PACRG: variants seen among roughly 807,000 people sequenced by gnomAD.
The protein encoded by PACRG is parkin coregulated gene protein.
PACRG carries 29 observed loss-of-function variants against 29.7 expected under a neutral mutation model. That is an observed-to-expected ratio of 0.98 (90% CI 0.73 to 1.33). PACRG has a LOEUF of 1.33. PACRG is among the 40% of genes most tolerant of loss of function. The pLI, the probability that PACRG is intolerant of heterozygous loss-of-function variation, is 0.00. For missense variants in PACRG, 279 were observed against 316.2 expected, an observed-to-expected ratio of 0.88 and a Z score of 0.89; for synonymous variants, 116 against 118.7, an observed-to-expected ratio of 0.98 and a Z score of 0.15.
In PACRG at chr6:163,132,217, A is replaced by C. The variant is rs147242603; in HGVS notation, c.613+42809A>C. Among the ~76,000 whole-genome samples, 1,164 of 152,356 alleles carry C rather than the reference A, an allele frequency of 7.6e-3. 6 individuals are homozygous for C. The highest frequency in any genetic ancestry group is 0.012 in the Non-Finnish European group (787 of 68,030). ...TTGGCTGGTTTTATTTATGCCACTTACTAGAAATCTAATAAATACATATTT... is the reference window on the plus strand; with the variant it reads ...TTGGCTGGTTTTATTTATGCCACTTCCTAGAAATCTAATAAATACATATTT... On this transcript the variant is annotated intron_variant, in intron 4 of 4. Transcript: ENST00000366888.
intron 3 of PACRG, among the ~76,000 whole-genome samples, chr6:163,081,238 A>G (rs1813045899): frequency 6.6e-6 from 1 of 152,224 alleles, no homozygotes. Flanking sequence ...AACATAAAAT[A>G]TTTATTAAAC....
chr6:162,858,377 G>GC (rs1213155637), intron 2 of PACRG, among the ~76,000 whole-genome samples: 4 of 152,132 alleles, frequency 2.6e-5, no homozygotes, highest in African/African-American at 9.6e-5. Context: ...TGGGGGAGCT[G>GC]CCCCCATGAT....
intron 2 of PACRG, among the ~76,000 whole-genome samples, chr6:163,043,855 A>G (rs1461364862): frequency 6.6e-6 from 1 of 152,152 alleles, no homozygotes; most frequent in African/African-American, 2.4e-5. Flanking sequence ...TCTGTTTGAG[A>G]TGCAGTTTAT....
chr6:163,089,821 A>G (rs933167332), intron 4 of PACRG, among the ~76,000 whole-genome samples: 1 of 152,186 alleles, frequency 6.6e-6, no homozygotes, highest in Non-Finnish European at 1.5e-5. Context: ...TTTAAGCACT[A>G]TTATTAAAAT....
rs184474310 is a variant in PACRG at position 162,772,783 on chromosome 6, C to G, written c.157-41364C>G. On this transcript the variant is annotated intron_variant, in intron 1 of 4. Transcript: ENST00000366888. ...AGGAAAGGAACCAGGGGTATAAATT[C>G]CAAAAGAGGTGGCAGGAATAGAGGA... Among the ~76,000 whole-genome samples, 515 of 152,036 alleles carry G rather than the reference C, an allele frequency of 3.4e-3. 1 individual carries two copies. Among genetic ancestry groups the G allele is most frequent in the African/African-American group, 0.012 (489 of 41,458 alleles).
chr6:162,838,076 C>A (rs1443805068), intron 2 of PACRG, among the ~76,000 whole-genome samples: 2 of 152,264 alleles, frequency 1.3e-5, no homozygotes, highest in South Asian at 2.1e-4. Context: ...AATGTTTTGG[C>A]AGATTTTCTT....
chr6:163,073,615 C>T (rs962053104), intron 3 of PACRG, among the ~76,000 whole-genome samples: 11 of 152,204 alleles, frequency 7.2e-5, no homozygotes, highest in African/African-American at 2.2e-4. Flanking sequence ...TTTTGCATAG[C>T]AAAGGAAACA....
At chr6:163,005,902 C>T (rs966954273) in intron 2 of PACRG, among the ~76,000 whole-genome samples, 25 of 144,600 alleles carry the variant, frequency 1.7e-4, no homozygotes, top group African/African-American at 4.3e-4. Flanking sequence ...CGTAGTTATA[C>T]GTGTTATATA....
chr6:162,866,200 G>C (rs1437686905), intron 2 of PACRG, among the ~76,000 whole-genome samples: 1 of 152,090 alleles, frequency 6.6e-6, no homozygotes, highest in Non-Finnish European at 1.5e-5. Flanking sequence ...CATGAGTGAG[G>C]GATGAAAAAT....
chr6:162,947,005 C>T (rs1391255025), intron 2 of PACRG, among the ~76,000 whole-genome samples: 1 of 151,734 alleles, frequency 6.6e-6, no homozygotes, highest in Non-Finnish European at 1.5e-5. Context: ...ATATGACAAA[C>T]ACACAGCTAA....
intron 4 of PACRG, chr6:163,101,556 A>G: frequency 2.7e-6 from 1 of 364,896 alleles, no homozygotes; most frequent in Non-Finnish European, 3.8e-6. Context: ...TGATATTCAA[A>G]GAGAATCAGT....
intron 4 of PACRG, among the ~76,000 whole-genome samples, chr6:163,305,855 C>CT (rs1562369982): frequency 6.6e-6 from 1 of 152,132 alleles, no homozygotes; most frequent in East Asian, 1.9e-4. Flanking sequence ...CTCCCCATCA[C>CT]TTACTCACCT....
chr6:163,238,600 C>A (rs1782338541), intron 4 of PACRG, among the ~76,000 whole-genome samples: 1 of 152,198 alleles, frequency 6.6e-6, no homozygotes, highest in Admixed American at 6.5e-5. Context: ...CGTTTCATCC[C>A]ACTGCCCCAC....
At chr6:163,162,925 C>T (rs1386988197) in intron 4 of PACRG, among the ~76,000 whole-genome samples, 1 of 152,156 alleles carries the variant, frequency 6.6e-6, no homozygotes, top group Non-Finnish European at 1.5e-5. Context: ...TTGTCAAGGG[C>T]AGCACAGAGC....
chr6:162,916,878 C>T (rs769572130), intron 2 of PACRG, among the ~76,000 whole-genome samples: 16 of 152,062 alleles, frequency 1.1e-4, no homozygotes, highest in Admixed American at 2.6e-4. Flanking sequence ...ATCTAGTGGC[C>T]ACATTCTTTC....
intron 2 of PACRG, among the ~76,000 whole-genome samples, chr6:162,866,474 T>A (rs540888821): frequency 6.0e-4 from 92 of 152,306 alleles, no homozygotes; most frequent in Middle Eastern, 3.4e-3. Context: ...GTACTATCCT[T>A]ACTGACATAG....
intron 2 of PACRG, among the ~76,000 whole-genome samples, chr6:162,859,393 C>T (rs1162482107): frequency 6.6e-6 from 1 of 152,232 alleles, no homozygotes; most frequent in Admixed American, 6.5e-5. Flanking sequence ...TATACATGAA[C>T]CCAAAGGAAC....
At chr6:162,814,957 A>G (rs1787205831) in intron 2 of PACRG, among the ~76,000 whole-genome samples, 1 of 152,244 alleles carries the variant, frequency 6.6e-6, no homozygotes, top group Non-Finnish European at 1.5e-5. Context: ...CACTGATGTT[A>G]TTTGTAAAAA....
intron 1 of PACRG, among the ~76,000 whole-genome samples, chr6:162,813,033 A>G (rs907820836): frequency 2.6e-5 from 4 of 152,022 alleles, no homozygotes; most frequent in African/African-American, 9.7e-5. Flanking sequence ...ATTTCTTAAT[A>G]CCACACTTAA....
Sources: gnomAD v4.1 joint callset for allele counts (sites outside exome capture counted in the v4.1 genomes callset) on GRCh38, gnomAD v4.1.1 for gene constraint, MANE v1.5 for transcripts, NCBI Gene and HGNC (gene_info 2026-07-23, HGNC 2026-07-21) for gene names.